MARCHF11: variants seen among roughly 807,000 people sequenced by gnomAD.
MARCHF11 encodes the protein E3 ubiquitin-protein ligase MARCHF11.
A neutral mutation model predicts 37.3 loss-of-function variants in MARCHF11; 29 were observed. That is an observed-to-expected ratio of 0.78 (90% confidence interval 0.58 to 1.06). MARCHF11 has a LOEUF of 1.06. Ranked by LOEUF, MARCHF11 falls within the 50% of genes least tolerant of loss-of-function variation. MARCHF11 has a pLI of 0.00. For missense variants in MARCHF11, 482 were observed against 533.4 expected, an observed-to-expected ratio of 0.90 and a Z score of 0.95; for synonymous variants, 233 against 228.0, an observed-to-expected ratio of 1.02 and a Z score of -0.20.
chr5:16,161,401 A>G (rs1738074278), intron 2 of MARCHF11, among the ~76,000 whole-genome samples: 1 of 151,850 alleles, frequency 6.6e-6, no homozygotes, highest in African/African-American at 2.4e-5. Flanking sequence ...AGGATTCTTA[A>G]TAACCCACTT....
chr5:16,152,142 G>C (rs1737899887), intron 2 of MARCHF11, among the ~76,000 whole-genome samples: 2 of 151,982 alleles, frequency 1.3e-5, no homozygotes, highest in South Asian at 4.2e-4. Context: ...TTTACTCTCA[G>C]TTATGAACAA....
At chr5:16,071,949 G>T (rs1489710618) in intron 3 of MARCHF11, among the ~76,000 whole-genome samples, 2 of 151,478 alleles carry the variant, frequency 1.3e-5, no homozygotes, top group South Asian at 2.1e-4. Context: ...GTTTTTGTGT[G>T]TTTTTTTGTT....
chr5:16,086,514 G>A (rs1368941373), intron 3 of MARCHF11, among the ~76,000 whole-genome samples: 3 of 152,288 alleles, frequency 2.0e-5, no homozygotes, highest in South Asian at 4.1e-4. Context: ...TATAGTACTT[G>A]AGGGAAGATC....
chr5:16,088,981 A>G (rs1277704054), intron 3 of MARCHF11, among the ~76,000 whole-genome samples: 1 of 152,156 alleles, frequency 6.6e-6, no homozygotes, highest in Non-Finnish European at 1.5e-5. Context: ...CTAAAAGATT[A>G]TTTGTTCATA....
chr5:16,118,099 G>A (rs2126575012), intron 2 of MARCHF11, among the ~76,000 whole-genome samples: 1 of 152,330 alleles, frequency 6.6e-6, no homozygotes, highest in African/African-American at 2.4e-5. Context: ...GGTGTGCCTG[G>A]CAGACAGAAG....
At chr5:16,133,110 A>T (rs1163711515) in intron 2 of MARCHF11, among the ~76,000 whole-genome samples, 1 of 152,142 alleles carries the variant, frequency 6.6e-6, no homozygotes, top group African/African-American at 2.4e-5. Context: ...AAGATTGAAA[A>T]AAAAGTGGCC....
intron 2 of MARCHF11, among the ~76,000 whole-genome samples, chr5:16,108,599 G>A (rs1737085267): frequency 6.6e-6 from 1 of 152,078 alleles, no homozygotes; most frequent in African/African-American, 2.4e-5. Flanking sequence ...GAGGCCCAGA[G>A]GACCAGATAT....
In MARCHF11 at chr5:16,089,382, T is replaced by C. The variant is rs546618941; in HGVS notation, c.886+1507A>G. On this transcript the variant is annotated intron_variant, in intron 3 of 3. Coordinates refer to ENST00000332432, the MANE Select transcript of MARCHF11 (RefSeq NM_001102562.3). ...TAGAGCAATGCCCTAGAGATTATAT[T>C]TGAATAAAGATTTAGAACTTCCAAA... 6.6e-5 allele frequency among the ~76,000 whole-genome samples: 10 copies of C among 152,340 alleles called. No homozygotes were observed. In the South Asian group the frequency reaches 2.1e-3, roughly 32 times the overall value.
rs541701293 is a variant in MARCHF11 at position 16,118,690 on chromosome 5, C to A, written c.694-27609G>T. Among the ~76,000 whole-genome samples the A allele has an allele frequency of 4.6e-5, 7 of 152,162 alleles. No individual in the cohort carries two copies. The South Asian group carries it at 1.5e-3, about 32-fold the overall frequency. ...TAAGCCGTCAGCGAGATAAAAGGAACCCAAGAGAGAGGAATCAGGAAAGCA... is the reference window on the plus strand; with the variant it reads ...TAAGCCGTCAGCGAGATAAAAGGAAACCAAGAGAGAGGAATCAGGAAAGCA... On this transcript the variant is annotated intron_variant, in intron 2 of 3. Coordinates refer to ENST00000332432, the MANE Select transcript of MARCHF11 (RefSeq NM_001102562.3).
chr5:16,105,511 A>G (rs1463906752), intron 2 of MARCHF11, among the ~76,000 whole-genome samples: 1 of 152,168 alleles, frequency 6.6e-6, no homozygotes. Context: ...TAGGGCAATC[A>G]TTCATATTTT....
In MARCHF11 at chr5:16,078,206, C is replaced by A. The variant is rs1241260270; in HGVS notation, c.887-10413G>T. ...CAGGGTCTGGGTTCTTATTTTGGGT[C>A]CTGCTCACCATCTGTTTGATCTTGG... On this transcript the variant is annotated intron_variant, in intron 3 of 3. Transcript: ENST00000332432. 2.0e-5 allele frequency among the ~76,000 whole-genome samples: 3 copies of A among 152,158 alleles called. No homozygotes were observed. In the East Asian group the frequency reaches 5.8e-4, roughly 29 times the overall value.
chr5:16,124,069 G>A (rs1225934195), intron 2 of MARCHF11, among the ~76,000 whole-genome samples: 2 of 152,146 alleles, frequency 1.3e-5, no homozygotes, highest in Non-Finnish European at 2.9e-5. Context: ...ACAGGCTAAT[G>A]TTTGAACTCA....
At chr5:16,126,439 C>A (rs1332042833) in intron 2 of MARCHF11, among the ~76,000 whole-genome samples, 1 of 152,158 alleles carries the variant, frequency 6.6e-6, no homozygotes, top group Non-Finnish European at 1.5e-5. Flanking sequence ...TTATTTTGTA[C>A]TTTATTCCAA....
chr5:16,079,669 C>A (rs1736574719), intron 3 of MARCHF11, among the ~76,000 whole-genome samples: 1 of 152,186 alleles, frequency 6.6e-6, no homozygotes, highest in South Asian at 2.1e-4. Context: ...CTCCCCAGGG[C>A]CCTCAGCAGC....
chr5:16,122,122 A>AC (rs1737318473), intron 2 of MARCHF11, among the ~76,000 whole-genome samples: 1 of 152,036 alleles, frequency 6.6e-6, no homozygotes, highest in African/African-American at 2.4e-5. Flanking sequence ...ACCCTTTCTC[A>AC]CCCACTGTAC....
intron 2 of MARCHF11, among the ~76,000 whole-genome samples, chr5:16,170,228 C>G (rs1310723451): frequency 6.6e-6 from 1 of 152,106 alleles, no homozygotes; most frequent in Non-Finnish European, 1.5e-5. Context: ...TATTCAAATT[C>G]CCTGAACAAA....
At chr5:16,091,436 G>A (rs1370313099) in intron 2 of MARCHF11, among the ~76,000 whole-genome samples, 1 of 152,174 alleles carries the variant, frequency 6.6e-6, no homozygotes, top group Non-Finnish European at 1.5e-5. Context: ...TACATGGTGA[G>A]AACTTCTCTA....
intron 2 of MARCHF11, among the ~76,000 whole-genome samples, chr5:16,155,849 T>C (rs1737970865): frequency 6.6e-6 from 1 of 151,910 alleles, no homozygotes; most frequent in Non-Finnish European, 1.5e-5. Flanking sequence ...ACACAAACGA[T>C]AATAAATGTG....
At chr5:16,147,356 G>T (rs765434915) in intron 2 of MARCHF11, among the ~76,000 whole-genome samples, 3 of 152,030 alleles carry the variant, frequency 2.0e-5, no homozygotes, top group Non-Finnish European at 2.9e-5. Context: ...ACCCCGTGAC[G>T]CAGTTACTAC....
Sources: gnomAD v4.1 joint callset for allele counts (sites outside exome capture counted in the v4.1 genomes callset) on GRCh38, gnomAD v4.1.1 for gene constraint, MANE v1.5 for transcripts, NCBI Gene and HGNC (gene_info 2026-07-23, HGNC 2026-07-21) for gene names.